The following SULT1E1 variants were observed in gnomAD, a reference collection of about 807,000 sequenced individuals.
The protein encoded by SULT1E1 is sulfotransferase 1E1.
In SULT1E1, 36 loss-of-function variants were observed where a neutral mutation model predicts 33.6. That is an observed-to-expected ratio of 1.07 (90% CI 0.82 to 1.41). The LOEUF (loss-of-function observed/expected upper bound fraction) is 1.41, where lower values mean the gene tolerates loss of function less well. Among genes scored for constraint, SULT1E1 ranks in the 40% most tolerant of loss-of-function variants. The probability of loss-of-function intolerance (pLI) is 0.00; values close to 1 mark genes in which losing one functional copy is unlikely to be tolerated. For missense variants in SULT1E1, 371 were observed against 345.7 expected (o/e 1.07, Z -0.58); for synonymous variants, 121 against 111.7 (o/e 1.08, Z -0.53).
the SULT1E1 span, among the ~76,000 whole-genome samples, chr4:69,829,803 C>T: frequency 1.3e-5 from 2 of 152,136 alleles, no homozygotes; most frequent in African/African-American, 4.8e-5. Flanking sequence ...GGATAGTGGC[C>T]CTATAAGTCA....
At chr4:69,823,870 CT>C in the SULT1E1 span, among the ~76,000 whole-genome samples, 1 of 152,218 alleles carries the variant, frequency 6.6e-6, no homozygotes, top group Admixed American at 6.5e-5. Context: ...TGGACCCCCC[CT>C]AGAATGAAGC....
chr4:69,840,359 T>A (rs1720860019), downstream of SULT1E1, among the ~76,000 whole-genome samples: 1 of 152,210 alleles, frequency 6.6e-6, no homozygotes, highest in African/African-American at 2.4e-5. Context: ...ATAAGCATTC[T>A]ACTGAAGACC....
chr4:69,844,217 T>TAC lies in SULT1E1; in HGVS notation c.715_716insGT (p.Tyr239CysfsTer10). 6.2e-7 allele frequency: 1 copy of TAC among 1,614,034 alleles called. No individual in the cohort carries two copies. The highest frequency in any genetic ancestry group is 1.3e-5 in the African/African-American group (1 of 75,058). On this transcript the variant is annotated frameshift_variant, in exon 7 of 8. Coordinates refer to ENST00000226444, the MANE Select transcript of SULT1E1 (RefSeq NM_005420.3). LOFTEE classifies it high-confidence loss of function. ...CATAATTTCGTCTGGCAGTGTTGTG[T>TAC]AATTTGTGGATGGATTGTTCTTCAT...
At chr4:69,840,439 C>T (rs902906058), downstream of SULT1E1, among the ~76,000 whole-genome samples, 8 of 151,790 alleles carry the variant, frequency 5.3e-5, no homozygotes, top group African/African-American at 1.9e-4. Flanking sequence ...AAACATAGTA[C>T]AGAAAAAGAA....
At chr4:69,858,862 C>A (rs963641167) in intron 1 of SULT1E1, among the ~76,000 whole-genome samples, 1 of 152,128 alleles carries the variant, frequency 6.6e-6, no homozygotes, top group African/African-American at 2.4e-5. Context: ...ATGTGAATTA[C>A]TTTCTTGGTG....
chr4:69,849,352 A>G lies in SULT1E1; in HGVS notation c.496+85T>C, dbSNP rs756803295. 7 of 1,503,910 alleles carry G rather than the reference A, an allele frequency of 4.7e-6. No homozygotes were observed. In the African/African-American group the frequency reaches 9.8e-5, roughly 21 times the overall value. The allele number at this position is 1,503,910 out of a possible 1,614,324, so 93.2% of individuals were successfully genotyped here. Reference sequence around the variant, plus strand: ...TATGAATCAGGGAAGAAAACGTACCAGAACAGTTAAAAACTTTTACTTGGA... The same window carrying G: ...TATGAATCAGGGAAGAAAACGTACCGGAACAGTTAAAAACTTTTACTTGGA... On this transcript the variant is annotated intron_variant, in intron 5 of 7. Transcript: ENST00000226444.
chr4:69,856,320 G>T (rs1215297964), intron 2 of SULT1E1, among the ~76,000 whole-genome samples: 1 of 152,234 alleles, frequency 6.6e-6, no homozygotes, highest in South Asian at 2.1e-4. Context: ...ATCATGAAAA[G>T]GTACTGACAT....
At chr4:69,857,408 G>C in intron 2 of SULT1E1, 92 bp downstream of exon 2, 1 of 1,436,814 alleles carries the variant, frequency 7.0e-7, no homozygotes, top group Non-Finnish European at 9.3e-7. Flanking sequence ...TTAATATAGA[G>C]AATGAGTGTG....
At chr4:69,854,170 A>G (rs1204164060) in intron 4 of SULT1E1, 47 bp downstream of exon 4, 2 of 1,395,438 alleles carry the variant, frequency 1.4e-6, no homozygotes, top group Non-Finnish European at 2.0e-6. Context: ...TCACTCTATC[A>G]TTTCTTGGAA....
At chr4:69,847,151 ATT>A in intron 6 of SULT1E1, among the ~76,000 whole-genome samples, 1 of 151,756 alleles carries the variant, frequency 6.6e-6, no homozygotes, top group East Asian at 1.9e-4. Context: ...TGTCTAATCT[ATT>A]ATTGAACCCA....
chr4:69,834,952 G>C, the SULT1E1 span, among the ~76,000 whole-genome samples: 1 of 152,022 alleles, frequency 6.6e-6, no homozygotes, highest in Non-Finnish European at 1.5e-5. Flanking sequence ...TGGTTACAAA[G>C]CTGCTGAAGA....
At chr4:69,826,877 C>A in the SULT1E1 span, among the ~76,000 whole-genome samples, 2 of 152,114 alleles carry the variant, frequency 1.3e-5, no homozygotes, top group Non-Finnish European at 2.9e-5. Flanking sequence ...CACAGGAGGA[C>A]CTCTCAGCTT....
rs1200605878 is a variant in SULT1E1 at position 69,841,322 on chromosome 4, AAAG to A, written c.*669_*671del. 6 of 152,340 alleles carry A rather than the reference AAAG, an allele frequency of 3.9e-5. No individual in the cohort carries two copies. Among genetic ancestry groups the A allele is most frequent in the South Asian group, 2.1e-4 (1 of 4,828 alleles). 9.4% of individuals were successfully genotyped at this position (152,340 alleles called of 1,614,324 possible). On this transcript the variant is annotated 3_prime_UTR_variant, in exon 8 of 8. Transcript: ENST00000226444. ...GTGCATGATATTTATAAAAAATAGA[AAAG>A]AAGAAGAGGAAGCAAAAGAAAAAGA...
chr4:69,826,153 G>A, the SULT1E1 span, among the ~76,000 whole-genome samples: 406 of 152,218 alleles, frequency 2.7e-3, 13 homozygotes, highest in Non-Finnish European at 3.4e-3. Context: ...GAAAAAAGGC[G>A]TCACTCTTCC....
the SULT1E1 span, among the ~76,000 whole-genome samples, chr4:69,835,539 G>C: frequency 6.6e-6 from 1 of 152,202 alleles, no homozygotes; most frequent in African/African-American, 2.4e-5. Flanking sequence ...GGCTATGACT[G>C]GGAATGTAAG....
rs11573764 is a variant in SULT1E1, at chr4:69,853,206, G to T, written c.369+1011C>A. On this transcript the variant is annotated intron_variant, in intron 4 of 7. Coordinates refer to ENST00000226444, the MANE Select transcript of SULT1E1 (RefSeq NM_005420.3). ...TATAAGATCTTGAAGAACAGCACTG[G>T]TGAGAGAAAGGTCTTGAAGAACAGA... 1.2e-4 allele frequency among the ~76,000 whole-genome samples: 18 copies of T among 152,210 alleles called. No homozygotes were observed. The East Asian group carries it at 3.5e-3, about 29-fold the overall frequency.
the SULT1E1 span, among the ~76,000 whole-genome samples, chr4:69,822,383 G>A: frequency 6.6e-6 from 1 of 152,144 alleles, no homozygotes; most frequent in Admixed American, 6.6e-5. Context: ...AAGGCAGGAG[G>A]ATGACTCGAG....
At chr4:69,847,610 T>C (rs1291992283) in intron 6 of SULT1E1, 88 bp downstream of exon 6, 1 of 838,536 alleles carries the variant, frequency 1.2e-6, no homozygotes, top group Non-Finnish European at 1.8e-6. Context: ...TCATCATTTA[T>C]TTAAAGGAAT....
chr4:69,837,522 G>C (rs1328111617), downstream of SULT1E1, among the ~76,000 whole-genome samples: 1 of 152,070 alleles, frequency 6.6e-6, no homozygotes, highest in Non-Finnish European at 1.5e-5. Flanking sequence ...TTCATATTTT[G>C]TTAAATGAGA....
Sources: allele counts gnomAD v4.1 joint callset (sites outside exome capture counted in the v4.1 genomes callset), GRCh38; gene constraint gnomAD v4.1.1; transcripts MANE v1.5; gene names NCBI Gene and HGNC (gene_info 2026-07-23, HGNC 2026-07-21).